Variants in GOLIM4 observed in about 807,000 individuals in gnomAD.
The protein encoded by GOLIM4 is 130 kDa golgi-localized phosphoprotein.
GOLIM4 carries 71 observed loss-of-function variants against 107.4 expected under a neutral mutation model. That is an observed-to-expected ratio of 0.66 (90% CI 0.55 to 0.81). GOLIM4 has a LOEUF of 0.81. Among genes scored for constraint, GOLIM4 ranks in the 30% least tolerant of loss-of-function variants. The pLI, the probability that GOLIM4 is intolerant of heterozygous loss-of-function variation, is 0.00. For synonymous variants in GOLIM4, 327 were observed against 294.8 expected (o/e 1.11, Z -1.12); for missense variants, 830 against 826.1 (o/e 1.00, Z -0.06).
chr3:168,021,502 C>A (rs991569089), intron 14 of GOLIM4, among the ~76,000 whole-genome samples: 2 of 152,010 alleles, frequency 1.3e-5, no homozygotes, highest in African/African-American at 2.4e-5. Context: ...CCCATCTCTA[C>A]TAAAAATACA....
At chr3:168,038,619 CA>C (rs1459435377) in intron 7 of GOLIM4, among the ~76,000 whole-genome samples, 1 of 152,148 alleles carries the variant, frequency 6.6e-6, no homozygotes, top group Non-Finnish European at 1.5e-5. Context: ...ATATAACTCA[CA>C]AGGTTGTGAG....
chr3:168,030,071 G>A (rs1167473151), intron 9 of GOLIM4, 35 bp from the exon 10 acceptor site: 2 of 1,597,624 alleles, frequency 1.3e-6, no homozygotes, highest in South Asian at 1.1e-5. Context: ...GAGCAAGAGG[G>A]GTTAGCTCCT....
In GOLIM4 at chr3:168,077,013, CATT is replaced by C. The variant is rs1361836411; in HGVS notation, c.187+18083_187+18085del. Among the ~76,000 whole-genome samples, 20 of 152,264 alleles carry C rather than the reference CATT, an allele frequency of 1.3e-4. No individual in the cohort carries two copies. The East Asian group carries it at 3.7e-3, about 28-fold the overall frequency. On this transcript the variant is annotated intron_variant, in intron 1 of 15. Transcript: ENST00000470487. ...TTAGAATTTATGCTAAGTGCTTATT[CATT>C]ATTAACTCATACCCTCCGCCTAAAA...
intron 14 of GOLIM4, among the ~76,000 whole-genome samples, chr3:168,015,368 C>CCA (rs1318404664): frequency 1.3e-5 from 2 of 148,236 alleles, no homozygotes; most frequent in Non-Finnish European, 2.9e-5. Context: ...GAACTACAAA[C>CCA]CACTGCTCAA....
At chr3:168,014,362 G>A (rs1170535373) in intron 14 of GOLIM4, among the ~76,000 whole-genome samples, 1 of 145,302 alleles carries the variant, frequency 6.9e-6, no homozygotes, top group Non-Finnish European at 1.5e-5. Context: ...TCTCTGAATA[G>A]ACCAATAACA....
chr3:168,044,277 C>A (rs1055541010), intron 4 of GOLIM4, among the ~76,000 whole-genome samples: 1 of 152,128 alleles, frequency 6.6e-6, no homozygotes, highest in Non-Finnish European at 1.5e-5. Flanking sequence ...CTGCATCCTG[C>A]GAGAAGGGCA....
At chr3:168,066,163 C>T (rs1461536666) in intron 1 of GOLIM4, among the ~76,000 whole-genome samples, 2 of 150,274 alleles carry the variant, frequency 1.3e-5, no homozygotes, top group African/African-American at 2.4e-5. Flanking sequence ...TGATTAGGGC[C>T]GAAGGGCTTA....
In GOLIM4 at chr3:168,032,761, G is replaced by A; in HGVS notation, c.935C>T (p.Ala312Val). Residue 312 changes from alanine to valine, a missense_variant, in exon 9 of 16, where the codon GCA becomes GTA. Coordinates refer to ENST00000470487, the MANE Select transcript of GOLIM4 (RefSeq NM_014498.5). ...TGGCTCTGGGGGAGCCTGAAATTCT[G>A]CCTCCTTATGGGTGGGAGCATAGAG... ...TKLYAPTHKE[A>V]EFQAPPEPIQ... 6.2e-7 allele frequency: 1 copy of A among 1,613,920 alleles called. No homozygotes were observed. Among genetic ancestry groups the A allele is most frequent in the Non-Finnish European group, 8.5e-7 (1 of 1,179,926 alleles).
chr3:168,082,058 C>T lies in GOLIM4; in HGVS notation c.187+13041G>A, dbSNP rs530841457. Among the ~76,000 whole-genome samples the T allele has an allele frequency of 2.6e-5, 4 of 152,170 alleles. No homozygotes were observed. The East Asian group carries it at 7.7e-4, about 29-fold the overall frequency. On this transcript the variant is annotated intron_variant, in intron 1 of 15. Transcript: ENST00000470487. ...AATTCCAAGATGGACTTGAAAAGAC[C>T]TCAGGAGGAATTTGCCCTAAAGCAG... is the stretch of plus-strand genomic sequence containing the variant.
chr3:168,021,355 G>C (rs1717671686), intron 14 of GOLIM4, among the ~76,000 whole-genome samples: 1 of 152,168 alleles, frequency 6.6e-6, no homozygotes, highest in African/African-American at 2.4e-5. Context: ...GCTTTAACAA[G>C]AGAGTTTCTT....
At chr3:168,054,425 C>G (rs1370237859) in intron 1 of GOLIM4, among the ~76,000 whole-genome samples, 1 of 152,196 alleles carries the variant, frequency 6.6e-6, no homozygotes, top group Non-Finnish European at 1.5e-5. Flanking sequence ...CCTCACTGCT[C>G]TTGCTCCAGG....
chr3:168,047,606 G>T (rs1440087381), intron 2 of GOLIM4, among the ~76,000 whole-genome samples: 1 of 152,098 alleles, frequency 6.6e-6, no homozygotes, highest in Non-Finnish European at 1.5e-5. Context: ...TCCTACCAAG[G>T]TAGGCAGACA....
chr3:168,043,566 T>G (rs368878463), intron 4 of GOLIM4, 37 bp from the exon 5 acceptor site: 5 of 1,544,722 alleles, frequency 3.2e-6, no homozygotes, highest in Non-Finnish European at 4.4e-6. Context: ...ATATACATTC[T>G]CTGAATTATA....
In GOLIM4 at chr3:168,095,136, G is replaced by A. The variant is rs1722110216; in HGVS notation, c.150C>T (p.Tyr50=). Residue 50 remains tyrosine (Y), a synonymous_variant, in exon 1 of 16, where the codon TAC becomes TAT. Coordinates refer to ENST00000470487, the MANE Select transcript of GOLIM4 (RefSeq NM_014498.5). ...CGGAGAGGGACTCCTGGTGCTGCTG[G>A]TACTTGAGCGCCACCGCCTCGGCTT... The part of the protein sequence containing the change: ...LRKAEAVALK[Y]QQHQESLSAQ... 1.2e-6 allele frequency: 2 copies of A among 1,610,170 alleles called. No homozygotes were observed. The highest frequency in any genetic ancestry group is 1.1e-5 in the South Asian group (1 of 90,946).
At chr3:168,080,772 T>G (rs1721320998) in intron 1 of GOLIM4, among the ~76,000 whole-genome samples, 1 of 152,128 alleles carries the variant, frequency 6.6e-6, no homozygotes, top group Admixed American at 6.5e-5. Flanking sequence ...CCCACAACGT[T>G]GGAAATCTAG....
Position 168,095,222 on chromosome 3 carries a change from C to T in GOLIM4, c.64G>A (p.Val22Ile), listed in dbSNP as rs1577588363. 1.2e-6 allele frequency: 2 copies of T among 1,613,664 alleles called. No individual in the cohort carries two copies. The highest frequency in any genetic ancestry group is 1.7e-6 in the Non-Finnish European group (2 of 1,179,974). The change falls in exon 1 of 16, where the codon GTC (valine) becomes ATC (isoleucine). Residue 22 changes from valine (V) to isoleucine (I), a missense_variant. Physicochemically the swap from Val to Ile is conservative, Grantham distance 29. Coordinates refer to ENST00000470487, the MANE Select transcript of GOLIM4 (RefSeq NM_014498.5). ...GCGCCGTAGAGAAAGCCGAACACGA[C>T]GGTCAGCAGCAGCAGCGTCTGGAAA... is the stretch of plus-strand genomic sequence containing the variant. ...RIFQTLLLLT[V>I]VFGFLYGAML...
chr3:168,035,037 C>CAAA (rs796736692), intron 8 of GOLIM4, among the ~76,000 whole-genome samples: 28 of 66,586 alleles, frequency 4.2e-4, no homozygotes, highest in African/African-American at 7.7e-4. Flanking sequence ...AACAATCATA[C>CAAA]AAAAAAAAAA....
chr3:168,056,003 C>T (rs958952817), intron 1 of GOLIM4, among the ~76,000 whole-genome samples: 25 of 152,180 alleles, frequency 1.6e-4, no homozygotes, highest in Admixed American at 7.2e-4. Context: ...CAAGACAATT[C>T]GGAAAATGTC....
chr3:168,055,498 C>A (rs113067382), intron 1 of GOLIM4, among the ~76,000 whole-genome samples: 6,823 of 152,156 alleles, frequency 0.045, 187 homozygotes, highest in Non-Finnish European at 0.067. Flanking sequence ...AGCAGCAAAG[C>A]ATTCAAGAGG....
Sources: gnomAD v4.1 joint callset for allele counts (sites outside exome capture counted in the v4.1 genomes callset) on GRCh38, gnomAD v4.1.1 for gene constraint, MANE v1.5 for transcripts, NCBI Gene and HGNC (gene_info 2026-07-23, HGNC 2026-07-21) for gene names.